AMPH: variants seen among roughly 807,000 people sequenced by gnomAD.
The protein encoded by AMPH is amphiphysin.
AMPH carries 49 observed loss-of-function variants against 99.1 expected under a neutral mutation model. The observed-to-expected ratio is 0.49, with a 90% CI of 0.39 to 0.63. The LOEUF (loss-of-function observed/expected upper bound fraction) is 0.63, where lower values mean the gene tolerates loss of function less well. Ranked by LOEUF, AMPH falls within the 20% of genes least tolerant of loss-of-function variation. The probability of loss-of-function intolerance (pLI) is 0.00; values close to 1 mark genes in which losing one functional copy is unlikely to be tolerated. For missense variants in AMPH, 759 were observed against 863.4 expected, an observed-to-expected ratio of 0.88 and a Z score of 1.52; for synonymous variants, 314 against 317.3, an observed-to-expected ratio of 0.99 and a Z score of 0.11.
In AMPH at chr7:38,432,192, C is replaced by T. The variant is rs140222015; in HGVS notation, c.1155G>A (p.Trp385Ter). 2.5e-6 allele frequency: 4 copies of T among 1,612,632 alleles called. No individual in the cohort carries two copies. Among genetic ancestry groups the T allele is most frequent in the Non-Finnish European group, 3.4e-6 (4 of 1,178,620 alleles). ...AACAGAGTTATTAGTGGCTTACCGT[C>T]CATAGGTCCCAGGGCAATGTCTGAA... The part of the protein sequence containing the change: ...PMSQTLPWDL[W>*]TTSTDLVQPA... The change falls in exon 13 of 21, where the codon TGG becomes TGA. Residue 385 changes from tryptophan to a stop codon, truncating the protein, a stop_gained. Coordinates refer to ENST00000356264, the MANE Select transcript of AMPH (RefSeq NM_001635.4). LOFTEE classifies it high-confidence loss of function.
intron 11 of AMPH, among the ~76,000 whole-genome samples, chr7:38,438,274 T>C (rs971908725): frequency 5.3e-5 from 8 of 152,174 alleles, no homozygotes; most frequent in African/African-American, 7.2e-5. Flanking sequence ...CCAGACTGCA[T>C]TGTACCTGCC....
At chr7:38,388,806 A>C (rs916514384) in intron 20 of AMPH, among the ~76,000 whole-genome samples, 1 of 151,926 alleles carries the variant, frequency 6.6e-6, no homozygotes, top group African/African-American at 2.4e-5. Flanking sequence ...CACCCAGCTA[A>C]TTAAAAAAAA....
At chr7:38,466,854 A>T (rs1787676341) in intron 7 of AMPH, among the ~76,000 whole-genome samples, 1 of 152,226 alleles carries the variant, frequency 6.6e-6, no homozygotes, top group Non-Finnish European at 1.5e-5. Flanking sequence ...AAATGAAAAC[A>T]TAAGCTGCCC....
chr7:38,502,470 A>G lies in AMPH; in HGVS notation c.205+1180T>C, dbSNP rs75231387. ...ACCGAGAGATTAATTCCTTGTCTAC[A>G]AGGAACACCTGAGCCCTGAGCCTGT... On this transcript the variant is annotated intron_variant, in intron 3 of 20. Transcript: ENST00000356264. Among the ~76,000 whole-genome samples, 1,277 of 152,206 alleles carry G rather than the reference A, an allele frequency of 8.4e-3. 17 individuals carry two copies. Among genetic ancestry groups the G allele is most frequent in the African/African-American group, 0.029 (1,214 of 41,522 alleles).
intron 1 of AMPH, among the ~76,000 whole-genome samples, chr7:38,598,875 G>A (rs1730242603): frequency 6.6e-6 from 1 of 151,898 alleles, no homozygotes; most frequent in Non-Finnish European, 1.5e-5. Flanking sequence ...TCCTTAGATT[G>A]GGTTTTCCTG....
At chr7:38,481,249 C>A (rs1378939669) in intron 5 of AMPH, among the ~76,000 whole-genome samples, 4 of 151,906 alleles carry the variant, frequency 2.6e-5, no homozygotes. Flanking sequence ...CACACATTAG[C>A]TTTTTTTAAT....
rs746702971 is a variant in AMPH at position 38,491,113 on chromosome 7, T to C, written c.333A>G (p.Gln111=). The C allele has an allele frequency of 6.2e-7, 1 of 1,613,094 alleles. No homozygotes were observed. Among genetic ancestry groups the C allele is most frequent in the South Asian group, 1.1e-5 (1 of 91,050 alleles). The change falls in exon 5 of 21, where the codon CAA becomes CAG. Residue 111 remains glutamine (Q), a synonymous_variant. Transcript: ENST00000356264. ...TTAGCAAGGACCCATCCACGAGTTTTTGATGGAAGTCTTCCCACAGCACAT... is the reference window on the plus strand; with the variant it reads ...TTAGCAAGGACCCATCCACGAGTTTCTGATGGAAGTCTTCCCACAGCACAT... ...KCDVLWEDFH[Q]KLVDGSLLTL...
At chr7:38,407,070 ATATATATGTGTGTGTGTG>A (rs777915537) in intron 17 of AMPH, among the ~76,000 whole-genome samples, 19 of 30,270 alleles carry the variant, frequency 6.3e-4, no homozygotes, top group South Asian at 3.3e-3. Context: ...ATATATATAT[ATATATATGTGTGTGTGTG>A]TGTGTGTGTG....
chr7:38,458,201 G>T (rs1787305357), intron 11 of AMPH, among the ~76,000 whole-genome samples: 1 of 152,036 alleles, frequency 6.6e-6, no homozygotes, highest in Non-Finnish European at 1.5e-5. Context: ...AACTCCACAT[G>T]TATCCCCTGA....
rs1401698037 is a variant in AMPH at position 38,384,266 on chromosome 7, T to C, written c.*552A>G. 2 of 153,158 alleles carry C rather than the reference T, an allele frequency of 1.3e-5. No individual in the cohort carries two copies. The highest frequency in any genetic ancestry group is 2.4e-5 in the African/African-American group (1 of 41,462). The allele number at this position is 153,158 out of a possible 1,614,324, so 9.5% of individuals were successfully genotyped here. A position where few individuals can be genotyped will look rare whatever the true frequency, so the allele number is the denominator to read the frequency against. On this transcript the variant is annotated 3_prime_UTR_variant, in exon 21 of 21. Coordinates refer to ENST00000356264, the MANE Select transcript of AMPH (RefSeq NM_001635.4). ...GTATATGTAGCCTTCTGCATACACA[T>C]AGATCCAGGAGTCATGGGAACTAGC...
chr7:38,429,032 G>A, intron 14 of AMPH: 2 of 1,290,218 alleles, frequency 1.6e-6, no homozygotes, highest in Non-Finnish European at 2.0e-6. Context: ...CTAGTGTCTT[G>A]ATATCAATAG....
intron 2 of AMPH, among the ~76,000 whole-genome samples, chr7:38,521,237 T>C (rs1174488839): frequency 6.6e-6 from 1 of 152,164 alleles, no homozygotes; most frequent in African/African-American, 2.4e-5. Context: ...AATGTATGTG[T>C]GGGCCGGGTG....
intron 13 of AMPH, 64 bp downstream of exon 13, chr7:38,432,125 T>C (rs765809364): frequency 4.5e-6 from 6 of 1,347,584 alleles, no homozygotes; most frequent in Middle Eastern, 1.8e-4. Context: ...AAATAAAATA[T>C]AACAAGGTTT....
chr7:38,526,946 T>C (rs561159770), intron 2 of AMPH, among the ~76,000 whole-genome samples: 1 of 152,354 alleles, frequency 6.6e-6, no homozygotes, highest in Non-Finnish European at 1.5e-5. Flanking sequence ...TGTATAAGGG[T>C]TAGTTTTAGG....
At chr7:38,550,056 G>A (rs754895513) in intron 1 of AMPH, among the ~76,000 whole-genome samples, 2 of 152,154 alleles carry the variant, frequency 1.3e-5, no homozygotes, top group African/African-American at 4.8e-5. Context: ...CTGGTTATCC[G>A]AAAGGAGTAA....
intron 16 of AMPH, among the ~76,000 whole-genome samples, chr7:38,418,309 C>CAGAG (rs145976868): frequency 6.7e-6 from 1 of 149,360 alleles, no homozygotes; most frequent in Non-Finnish European, 1.5e-5. Flanking sequence ...GAGACAGAGA[C>CAGAG]AGAGAGAGAG....
chr7:38,481,736 G>T (rs930629952), intron 5 of AMPH, among the ~76,000 whole-genome samples: 1 of 152,052 alleles, frequency 6.6e-6, no homozygotes, highest in South Asian at 2.1e-4. Context: ...TTGGAAATTT[G>T]CCTGAGGTTT....
intron 1 of AMPH, among the ~76,000 whole-genome samples, chr7:38,587,914 C>CTGTG (rs200023803): frequency 0.022 from 2,794 of 126,154 alleles, 82 homozygotes; most frequent in African/African-American, 0.065. Flanking sequence ...TTATTAATTA[C>CTGTG]TGTGTGTGTG....
chr7:38,560,318 A>G (rs990520101), intron 1 of AMPH, among the ~76,000 whole-genome samples: 18 of 152,196 alleles, frequency 1.2e-4, no homozygotes, highest in Admixed American at 1.0e-3. Context: ...TCTCATCCCA[A>G]CCGCCCCAGC....
Sources: allele counts gnomAD v4.1 joint callset (sites outside exome capture counted in the v4.1 genomes callset), GRCh38; gene constraint gnomAD v4.1.1; transcripts MANE v1.5; gene names NCBI Gene and HGNC (gene_info 2026-07-23, HGNC 2026-07-21).